FGF13: variants seen among roughly 807,000 people sequenced by gnomAD.
The protein encoded by FGF13 is fibroblast growth factor 13, also known as fibroblast growth factor homologous factor 2.
FGF13 carries 2 observed loss-of-function variants against 19.5 expected under a neutral mutation model. The ratio of observed to expected loss-of-function variants is 0.10; its 90% CI spans 0.04 to 0.32. The LOEUF (loss-of-function observed/expected upper bound fraction) is 0.32. FGF13 is among the 10% of genes least tolerant of loss of function. The probability of loss-of-function intolerance (pLI) is 1.00; values close to 1 mark genes in which losing one functional copy is unlikely to be tolerated. For synonymous variants in FGF13, 72 were observed against 76.9 expected (o/e 0.94, Z 0.33); for missense variants, 113 against 192.7 (o/e 0.59, Z 2.45).
chrX:139,203,667 GCGCGCAGCACACATATGCACACT>G, upstream of FGF13: 5 of 148,003 alleles, frequency 3.4e-5, no homozygotes, highest in Non-Finnish European at 6.5e-5. Context: ...CATGTTGCAC[GCGCGCAGCACACATATGCACACT>G]CGCGCACACG....
At chrX:139,054,333 C>G (rs768491740) in intron 1 of FGF13, among the ~76,000 whole-genome samples, 1 of 109,447 alleles carries the variant, frequency 9.1e-6, no homozygotes, top group Non-Finnish European at 1.9e-5. Context: ...CCATGTTAGC[C>G]AGGATGTTCT....
chrX:138,825,489 G>A (rs1333146689), intron 3 of FGF13, among the ~76,000 whole-genome samples: 5 of 111,517 alleles, frequency 4.5e-5, no homozygotes, highest in Non-Finnish European at 9.4e-5. Flanking sequence ...AAAGGAAAAA[G>A]CAACTCTTTC....
intron 1 of FGF13, among the ~76,000 whole-genome samples, chrX:138,723,326 ACTT>A (rs1003190394): frequency 2.7e-5 from 3 of 111,958 alleles, no homozygotes; most frequent in Non-Finnish European, 1.9e-5. Context: ...AAGTGGGAAT[ACTT>A]CTCCTTTCCT....
intron 1 of FGF13, among the ~76,000 whole-genome samples, chrX:139,147,935 C>T (rs1218808465): frequency 2.7e-5 from 3 of 111,105 alleles, no homozygotes; most frequent in African/African-American, 9.8e-5. Context: ...AACAAAAACC[C>T]TATTCCAAAT....
chrX:139,188,039 G>A (rs901663064), intron 1 of FGF13, among the ~76,000 whole-genome samples: 1 of 111,933 alleles, frequency 8.9e-6, no homozygotes, highest in Non-Finnish European at 1.9e-5. Context: ...TCAAGTTAAC[G>A]ATCGCACTTG....
chrX:139,022,307 T>C (rs965882965), intron 1 of FGF13, among the ~76,000 whole-genome samples: 7 of 112,247 alleles, frequency 6.2e-5, no homozygotes, highest in African/African-American at 2.3e-4. Flanking sequence ...TTCGGTTACA[T>C]AGCAGCATTG....
At chrX:139,068,401 G>C (rs1267106079) in intron 1 of FGF13, among the ~76,000 whole-genome samples, 2 of 100,189 alleles carry the variant, frequency 2.0e-5, no homozygotes, top group East Asian at 6.1e-4. Context: ...TTGTAGTATA[G>C]TTTGAAGTCA....
chrX:139,029,421 A>G (rs1406199157), intron 1 of FGF13, among the ~76,000 whole-genome samples: 1 of 111,876 alleles, frequency 8.9e-6, no homozygotes, highest in Non-Finnish European at 1.9e-5. Context: ...TATATCTTCT[A>G]GTGACTCCTC....
intron 1 of FGF13, among the ~76,000 whole-genome samples, chrX:139,125,681 C>T (rs183885417): frequency 1.8e-5 from 2 of 112,021 alleles, no homozygotes. Context: ...GTGGTCTGGG[C>T]ATCTGCTCAG....
intron 1 of FGF13, among the ~76,000 whole-genome samples, chrX:138,886,123 C>G (rs938023133): frequency 8.9e-6 from 1 of 111,811 alleles, no homozygotes; most frequent in African/African-American, 3.3e-5. Context: ...TTCTGCCGGT[C>G]ATGAGGGACA....
Position 138,842,497 on chromosome X carries a change from G to A in FGF13, c.217+15015C>T, listed in dbSNP as rs188612674. Among the ~76,000 whole-genome samples, 425 of 111,130 alleles carry A rather than the reference G, an allele frequency of 3.8e-3. 1 individual carries two copies. Among genetic ancestry groups the A allele is most frequent in the African/African-American group, 0.012 (362 of 30,630 alleles). ...AGTAAGGCGGAGTTTGAATTAAGTT[G>A]AAACTACTACCTTAGTAACCCAAGG... On this transcript the variant is annotated intron_variant, in intron 3 of 6. Transcript: ENST00000436198.
chrX:138,904,478 G>T (rs901365069), intron 1 of FGF13, among the ~76,000 whole-genome samples: 1 of 111,884 alleles, frequency 8.9e-6, no homozygotes, highest in Non-Finnish European at 1.9e-5. Flanking sequence ...TAGGCACTGG[G>T]AAAACAGATA....
At position 138,711,656 on chromosome X, in the gene FGF13, G is replaced by A. The variant is rs1265684121; in HGVS notation, c.-653C>T. On this transcript the variant is annotated 5_prime_UTR_variant, in exon 1 of 5. Transcript: ENST00000315930. ...CATCTTCGCTGTTGCTGCTGCTCTG[G>A]GCGCGGCACAGTCGCAGCACAGGAA... The A allele has an allele frequency of 5.3e-6, 4 of 753,383 alleles. No individual in the cohort carries two copies. Among genetic ancestry groups the A allele is most frequent in the African/African-American group, 2.3e-5 (1 of 43,502 alleles). The allele number at this position is 753,383 out of a possible 1,213,427, so 62.1% of individuals were successfully genotyped here. A position where few individuals can be genotyped will look rare whatever the true frequency, so the allele number is the denominator to read the frequency against.
chrX:138,876,820 G>T (rs2091392193), intron 1 of FGF13, among the ~76,000 whole-genome samples: 1 of 112,141 alleles, frequency 8.9e-6, no homozygotes, highest in Admixed American at 9.5e-5. Flanking sequence ...GAATATTTAA[G>T]ATGGATCTCT....
chrX:139,065,523 A>T (rs1380401810), intron 1 of FGF13, among the ~76,000 whole-genome samples: 1 of 108,475 alleles, frequency 9.2e-6, no homozygotes, highest in Non-Finnish European at 1.9e-5. Context: ...GGGGGGTTGC[A>T]ATCATCTCTC....
At chrX:138,812,077 C>T (rs1602897537) in intron 3 of FGF13, among the ~76,000 whole-genome samples, 2 of 110,839 alleles carry the variant, frequency 1.8e-5, no homozygotes, top group Admixed American at 9.7e-5. Context: ...CTCCATCCCT[C>T]CTCCTCCCAG....
At chrX:138,788,757 G>T (rs2090714707) in intron 3 of FGF13, among the ~76,000 whole-genome samples, 1 of 98,552 alleles carries the variant, frequency 1.0e-5, no homozygotes, top group African/African-American at 3.8e-5. Flanking sequence ...CCCTGTCAAA[G>T]ATTCCTTGGT....
At chrX:138,890,853 G>A (rs1842808210) in intron 1 of FGF13, among the ~76,000 whole-genome samples, 1 of 111,884 alleles carries the variant, frequency 8.9e-6, no homozygotes, top group Non-Finnish European at 1.9e-5. Context: ...AGGTCCTAAG[G>A]GGAGATCCTT....
At chrX:139,106,273 G>A (rs2083559433) in intron 1 of FGF13, among the ~76,000 whole-genome samples, 1 of 112,537 alleles carries the variant, frequency 8.9e-6, no homozygotes, top group Admixed American at 9.4e-5. Context: ...ATGCTCATTT[G>A]TCAAATGACT....
Sources: allele counts gnomAD v4.1 joint callset (sites outside exome capture counted in the v4.1 genomes callset), GRCh38; gene constraint gnomAD v4.1.1; transcripts MANE v1.5; gene names NCBI Gene and HGNC (gene_info 2026-07-23, HGNC 2026-07-21).